The following ARHGAP24 variants were observed in gnomAD, a reference collection of about 807,000 sequenced individuals.
ARHGAP24 encodes the protein Rho GTPase activating protein 24.
A neutral mutation model predicts 76.4 loss-of-function variants in ARHGAP24; 50 were observed. The ratio of observed to expected loss-of-function variants is 0.65; its 90% CI spans 0.52 to 0.83. ARHGAP24 has a LOEUF of 0.83. Among genes scored for constraint, ARHGAP24 ranks in the 40% least tolerant of loss-of-function variants. The probability of loss-of-function intolerance (pLI) is 0.00; values close to 1 mark genes in which losing one functional copy is unlikely to be tolerated. For missense variants in ARHGAP24, 930 were observed against 914.2 expected (o/e 1.02, Z -0.22); for synonymous variants, 345 against 323.3 (o/e 1.07, Z -0.72).
chr4:85,914,266 T>C (rs1462171068), intron 3 of ARHGAP24, among the ~76,000 whole-genome samples: 1 of 152,226 alleles, frequency 6.6e-6, no homozygotes, highest in Non-Finnish European at 1.5e-5. Flanking sequence ...AATACATGAA[T>C]TCTAAAATTT....
intron 3 of ARHGAP24, among the ~76,000 whole-genome samples, chr4:85,872,754 T>C (rs1414427584): frequency 6.6e-6 from 1 of 151,126 alleles, no homozygotes; most frequent in Non-Finnish European, 1.5e-5. Context: ...TACACCACCA[T>C]GCCCGGCTAA....
intron 2 of ARHGAP24, among the ~76,000 whole-genome samples, chr4:85,712,435 T>A (rs879107104): frequency 6.6e-6 from 1 of 152,204 alleles, no homozygotes; most frequent in Non-Finnish European, 1.5e-5. Flanking sequence ...TGTTGCCACC[T>A]TTTTTGTATT....
intron 1 of ARHGAP24, among the ~76,000 whole-genome samples, chr4:85,514,325 T>C (rs563966539): frequency 8.5e-5 from 13 of 152,288 alleles, no homozygotes; most frequent in Non-Finnish European, 1.8e-4. Flanking sequence ...TTTGCATGCC[T>C]TCACTATGGA....
At chr4:85,537,504 T>C (rs1294826639) in intron 1 of ARHGAP24, among the ~76,000 whole-genome samples, 2 of 152,162 alleles carry the variant, frequency 1.3e-5, no homozygotes, top group Admixed American at 1.3e-4. Context: ...CAGATTCCTG[T>C]AGGGAAAAGT....
chr4:85,650,654 G>A lies in ARHGAP24; in HGVS notation c.181-71231G>A, dbSNP rs183604102. On this transcript the variant is annotated intron_variant, in intron 2 of 9. Coordinates refer to ENST00000395184, the MANE Select transcript of ARHGAP24 (RefSeq NM_001025616.3). ...CAATAATTATTATTAATACTATGTA[G>A]AATGCAATTTGTGAATATAACAATG... Among the ~76,000 whole-genome samples, 527 of 149,286 alleles carry A rather than the reference G, an allele frequency of 3.5e-3. 7 individuals carry two copies. Among genetic ancestry groups the A allele is most frequent in the Middle Eastern group, 0.017 (5 of 292 alleles).
intron 3 of ARHGAP24, among the ~76,000 whole-genome samples, chr4:85,838,694 C>T (rs1030508641): frequency 1.3e-5 from 2 of 152,154 alleles, no homozygotes; most frequent in Non-Finnish European, 2.9e-5. Flanking sequence ...ACTTCTGTTG[C>T]TGAAACTGTA....
chr4:85,994,721 G>C lies in ARHGAP24; in HGVS notation c.1067G>C (p.Gly356Ala). 6.2e-7 allele frequency: 1 copy of C among 1,614,048 alleles called. No homozygotes were observed. The highest frequency in any genetic ancestry group is 8.5e-7 in the Non-Finnish European group (1 of 1,180,006). ...NNEIQKKATM[G>A]QLQNKENNNT... ...GAAATTCAGAAGAAAGCCACCATGG[G>C]GCAGTTACAGAACAAGGAGAACAAT... The change falls in exon 9 of 10, where the codon GGG becomes GCG. Residue 356 changes from glycine (G) to alanine (A), a missense_variant. Physicochemically the swap from Gly to Ala is moderately conservative, Grantham distance 60. Coordinates refer to ENST00000395184, the MANE Select transcript of ARHGAP24 (RefSeq NM_001025616.3).
At chr4:85,822,952 T>C (rs192563801) in intron 3 of ARHGAP24, among the ~76,000 whole-genome samples, 2 of 152,324 alleles carry the variant, frequency 1.3e-5, no homozygotes, top group African/African-American at 4.8e-5. Context: ...TTAATGCAGA[T>C]GATGAGAGTA....
chr4:85,956,761 A>G (rs771155601), intron 5 of ARHGAP24, among the ~76,000 whole-genome samples: 1 of 152,178 alleles, frequency 6.6e-6, no homozygotes, highest in African/African-American at 2.4e-5. Flanking sequence ...AGCACAGCCG[A>G]CACCCAGCCA....
chr4:85,869,407 T>A (rs1490189522), intron 3 of ARHGAP24, among the ~76,000 whole-genome samples: 1 of 152,134 alleles, frequency 6.6e-6, no homozygotes, highest in Non-Finnish European at 1.5e-5. Flanking sequence ...GGACTGTGAT[T>A]TTTGAAGACT....
At chr4:85,857,959 C>A (rs1384473066) in intron 3 of ARHGAP24, among the ~76,000 whole-genome samples, 1 of 152,058 alleles carries the variant, frequency 6.6e-6, no homozygotes, top group Non-Finnish European at 1.5e-5. Flanking sequence ...TCTTCTTTTA[C>A]TTAAGTTTGT....
chr4:85,928,698 G>A (rs922719773), intron 4 of ARHGAP24, among the ~76,000 whole-genome samples: 1 of 152,076 alleles, frequency 6.6e-6, no homozygotes, highest in Non-Finnish European at 1.5e-5. Context: ...CTGACCTCAG[G>A]TGATCCACCC....
At chr4:85,661,554 A>T (rs929009776) in intron 2 of ARHGAP24, among the ~76,000 whole-genome samples, 1 of 152,090 alleles carries the variant, frequency 6.6e-6, no homozygotes, top group African/African-American at 2.4e-5. Context: ...TTTAGGGTAC[A>T]TGTGCACATT....
At chr4:85,683,782 G>T (rs1299670718) in intron 2 of ARHGAP24, among the ~76,000 whole-genome samples, 1 of 152,026 alleles carries the variant, frequency 6.6e-6, no homozygotes, top group Admixed American at 6.6e-5. Flanking sequence ...CCAGCTCCTG[G>T]CAACCATCTC....
chr4:85,475,792 TGC>T (rs918781400), intron 1 of ARHGAP24, among the ~76,000 whole-genome samples: 46 of 151,522 alleles, frequency 3.0e-4, no homozygotes, highest in Non-Finnish European at 4.0e-4. Flanking sequence ...TGTGTGTGTG[TGC>T]GCGCGCGCGC....
At chr4:85,485,986 A>T (rs1229870363) in intron 1 of ARHGAP24, among the ~76,000 whole-genome samples, 1 of 151,904 alleles carries the variant, frequency 6.6e-6, no homozygotes, top group Admixed American at 6.6e-5. Flanking sequence ...TGCTCCACTC[A>T]CCTCGGCCTC....
At chr4:85,492,587 G>A (rs1459971099) in intron 1 of ARHGAP24, among the ~76,000 whole-genome samples, 1 of 152,152 alleles carries the variant, frequency 6.6e-6, no homozygotes, top group Admixed American at 6.5e-5. Context: ...ATTGCCAAAC[G>A]GGATAACATG....
chr4:85,486,384 A>T (rs1723051825), intron 1 of ARHGAP24, among the ~76,000 whole-genome samples: 1 of 152,186 alleles, frequency 6.6e-6, no homozygotes, highest in Non-Finnish European at 1.5e-5. Flanking sequence ...CCGTCACTAC[A>T]ATGAATTTTT....
rs531259057 is a variant in ARHGAP24 at position 85,637,614 on chromosome 4, TG to T, written c.180+66894del. Among the ~76,000 whole-genome samples the T allele has an allele frequency of 1.5e-3, 235 of 152,188 alleles. 1 individual carries two copies. The highest frequency in any genetic ancestry group is 5.3e-3 in the African/African-American group (222 of 41,536). ...ATGTTGTATATTGGTAAAAGATACT[TG>T]ATTTCAAAAACTTTCTACAAAATAA... On this transcript the variant is annotated intron_variant, in intron 2 of 9. Transcript: ENST00000395184.
Sources: gnomAD v4.1 joint callset for allele counts (sites outside exome capture counted in the v4.1 genomes callset) on GRCh38, gnomAD v4.1.1 for gene constraint, MANE v1.5 for transcripts, NCBI Gene and HGNC (gene_info 2026-07-23, HGNC 2026-07-21) for gene names.